Variants in UBR4 observed in about 807,000 individuals in gnomAD.
UBR4 encodes ubiquitin protein ligase E3 component n-recognin 4, also known as E3 ubiquitin-protein ligase UBR4.
Under a neutral mutation model 575.6 loss-of-function variants are expected in UBR4, and 124 were observed. The ratio of observed to expected loss-of-function variants is 0.22; its 90% CI spans 0.19 to 0.25. The LOEUF (loss-of-function observed/expected upper bound fraction) is 0.25, where lower values mean the gene tolerates loss of function less well. UBR4 is among the 10% of genes least tolerant of loss of function. The pLI, the probability that UBR4 is intolerant of heterozygous loss-of-function variation, is 1.00. For synonymous variants in UBR4, 2,455 were observed against 2,473.7 expected (o/e 0.99, Z 0.22); for missense variants, 4,818 against 6,478.8 (o/e 0.74, Z 8.80).
intron 57 of UBR4, 57 bp downstream of exon 57, chr1:19,141,290 A>C: frequency 6.2e-7 from 1 of 1,611,712 alleles, no homozygotes; most frequent in Non-Finnish European, 8.5e-7. Context: ...TAACTGCCAA[A>C]CCCTCTTTTC....
intron 49 of UBR4, chr1:19,149,927 G>T: frequency 7.0e-6 from 3 of 426,968 alleles, no homozygotes; most frequent in Non-Finnish European, 8.2e-6. Context: ...AGGGAGGGAG[G>T]AGGCTGGTGG....
Position 19,083,270 on chromosome 1 carries a change from C to T in UBR4, c.15008+1234G>A, listed in dbSNP as rs949507442. The stretch of plus-strand genomic sequence containing the variant: ...GCACTCTGATGTCAACCTGCCCCTG[C>T]GTGTTTTAACAATGAAGCCTGTGGT... On this transcript the variant is annotated intron_variant, in intron 102 of 105. Transcript: ENST00000375254. Among the ~76,000 whole-genome samples the T allele has an allele frequency of 3.9e-5, 6 of 152,094 alleles. No individual in the cohort carries two copies. In the South Asian group the frequency reaches 6.2e-4, roughly 16 times the overall value.
chr1:19,201,103 C>A (rs192276825), intron 2 of UBR4, among the ~76,000 whole-genome samples: 5 of 152,304 alleles, frequency 3.3e-5, no homozygotes, highest in East Asian at 3.9e-4. Context: ...CACGCCACTG[C>A]ACTCCAGCCT....
chr1:19,083,484 T>C (rs2076720516), intron 102 of UBR4, among the ~76,000 whole-genome samples: 1 of 152,208 alleles, frequency 6.6e-6, no homozygotes, highest in Non-Finnish European at 1.5e-5. Flanking sequence ...AGATGGGGCC[T>C]ACAAGCATGA....
chr1:19,099,624 G>A lies in UBR4; in HGVS notation c.13275C>T (p.Tyr4425=), dbSNP rs376066661. ...CATTCGTGGTACACCAGACTTTCTT[G>A]TAAACTTCAGCCACAGGAAGGTCCA... ...ISLDLPVAEV[Y]KKVWCTTNEG... The change falls in exon 90 of 106, where the codon TAC becomes TAT. Residue 4425 remains tyrosine (Y), a synonymous_variant. Transcript: ENST00000375254. The A allele has an allele frequency of 2.5e-6, 4 of 1,613,906 alleles. No individual in the cohort carries two copies. The highest frequency in any genetic ancestry group is 1.1e-5 in the South Asian group (1 of 91,062).
Position 19,076,621 on chromosome 1 carries a change from A to G in UBR4, c.15487+119T>C. On this transcript the variant is annotated intron_variant, in intron 105 of 105. Transcript: ENST00000375254. ...TTCCCAGGGCTTTCAGTGGCAGCTG[A>G]CAGGCTGGTTCATACTGCGTTTCCT... is the stretch of plus-strand genomic sequence containing the variant. 2.2e-6 allele frequency: 3 copies of G among 1,361,394 alleles called. No individual in the cohort carries two copies. The Admixed American group carries it at 5.9e-5, about 27-fold the overall frequency. The allele number at this position is 1,361,394 out of a possible 1,614,324, so 84.3% of individuals were successfully genotyped here.
intron 7 of UBR4, 49 bp downstream of exon 7, chr1:19,197,621 T>G (rs1340833899): frequency 6.2e-7 from 1 of 1,602,622 alleles, no homozygotes; most frequent in Non-Finnish European, 8.5e-7. Flanking sequence ...AACAAGACCC[T>G]GTCCCAAAAA....
At position 19,153,210 on chromosome 1, in the gene UBR4, T is replaced by C. The variant is rs1571192047; in HGVS notation, c.6832+91A>G. 2.9e-6 allele frequency: 4 copies of C among 1,387,588 alleles called. No individual in the cohort carries two copies. The highest frequency in any genetic ancestry group is 4.0e-6 in the Non-Finnish European group (4 of 992,290). 86.0% of individuals were successfully genotyped at this position (1,387,588 alleles called of 1,614,324 possible). ...TGTGCAAGTAGGACAGTCACATTTC[T>C]TCACAGATATTTTCAACAGTCTATT... is the stretch of plus-strand genomic sequence containing the variant. On this transcript the variant is annotated intron_variant, in intron 46 of 105. Coordinates refer to ENST00000375254, the MANE Select transcript of UBR4 (RefSeq NM_020765.3). This position sits in a 1 kb window ranked among gnomAD's most constrained non-coding sequence, Gnocchi z 4.1.
At chr1:19,147,130 A>G in intron 51 of UBR4, 130 bp from the exon 52 acceptor site, 1 of 931,488 alleles carries the variant, frequency 1.1e-6, no homozygotes, top group Non-Finnish European at 1.6e-6. Flanking sequence ...ATGAACACCA[A>G]TCACCTACAA....
chr1:19,078,449 G>A (rs1022991589), intron 103 of UBR4: 1 of 174,232 alleles, frequency 5.7e-6, no homozygotes, highest in Non-Finnish European at 1.2e-5. Flanking sequence ...GGAATTTGAT[G>A]GAACCTAATA....
At chr1:19,095,160 G>A in intron 93 of UBR4, 135 bp from the exon 94 acceptor site, 3 of 1,287,532 alleles carry the variant, frequency 2.3e-6, no homozygotes, top group South Asian at 1.3e-5. Context: ...GTATGTATGT[G>A]CGTGTATATG....
intron 44 of UBR4, among the ~76,000 whole-genome samples, chr1:19,154,526 C>T (rs1458889430): frequency 1.3e-5 from 2 of 152,128 alleles, no homozygotes; most frequent in African/African-American, 2.4e-5. Context: ...ATTACTGATA[C>T]GTTCTATTTG....
chr1:19,151,125 T>C, intron 48 of UBR4: 1 of 383,440 alleles, frequency 2.6e-6, no homozygotes, highest in Non-Finnish European at 4.8e-6. Flanking sequence ...AAAGTACAGA[T>C]CATGATCATT....
chr1:19,167,993 A>T lies in UBR4; in HGVS notation c.3899+34T>A, dbSNP rs34127769. On this transcript the variant is annotated intron_variant, in intron 28 of 105. Transcript: ENST00000375254. Reference sequence around the variant, plus strand: ...TCTTTAACCACAATAGAATACAGACATAGAGTCCTTGGGGCTAGGTAGTAG... The same window carrying T: ...TCTTTAACCACAATAGAATACAGACTTAGAGTCCTTGGGGCTAGGTAGTAG... The T allele has an allele frequency of 1.6e-5, 26 of 1,576,692 alleles. No individual in the cohort carries two copies. The Middle Eastern group carries it at 5.2e-4, about 31-fold the overall frequency.
intron 55 of UBR4, among the ~76,000 whole-genome samples, chr1:19,142,113 A>T (rs151104856): frequency 6.6e-6 from 1 of 152,318 alleles, no homozygotes; most frequent in African/African-American, 2.4e-5. Flanking sequence ...CTCTCAGGAG[A>T]CCTTGGATAA....
chr1:19,210,203 G>A lies in UBR4; in HGVS notation c.46C>T (p.Pro16Ser). 4 of 1,465,272 alleles carry A rather than the reference G, an allele frequency of 2.7e-6. No homozygotes were observed. Among genetic ancestry groups the A allele is most frequent in the East Asian group, 5.6e-5 (2 of 35,690 alleles). The allele number at this position is 1,465,272 out of a possible 1,614,324, so 90.8% of individuals were successfully genotyped here. A position where few individuals can be genotyped will look rare whatever the true frequency, so the allele number is the denominator to read the frequency against. ...TCCGCCCCCGTTGCCGGGGTCCCCG[G>A]CGCCGGAGCCGCTGCCGCCGCCTCT... is the stretch of plus-strand genomic sequence containing the variant. ...GEEAAAAAPA[P>S]GTPATGADTT... is the part of the protein sequence containing the mutation. Residue 16 changes from proline to serine, a missense_variant, in exon 1 of 106, where the codon CCG becomes TCG. Pro to Ser is a moderately conservative substitution (Grantham distance 74). This residue lies in a region of UBR4 where 95 missense variants were observed against 87.7 expected (regional missense o/e 1.08). Transcript: ENST00000375254.
In UBR4 at chr1:19,152,476, G is replaced by A; in HGVS notation, c.6833C>T (p.Thr2278Ile). The change falls in exon 47 of 106, where the codon ACA becomes ATA. Residue 2278 changes from threonine to isoleucine, a missense_variant and splice_region_variant. Physicochemically the swap from Thr to Ile is moderately conservative, Grantham distance 89. This residue lies in a region of UBR4 where 461 missense variants were observed against 606.9 expected (regional missense o/e 0.76). Transcript: ENST00000375254. This position sits in a 1 kb window ranked among gnomAD's most constrained non-coding sequence, Gnocchi z 4.4. ...AGTCACCTGGCTAGACGTGCGGGTTGCTGCAGAGAACGGTACCAGATCGTC... is the reference window on the plus strand; with the variant it reads ...AGTCACCTGGCTAGACGTGCGGGTTACTGCAGAGAACGGTACCAGATCGTC... ...PVRKRKTATI[T>I]TRTSSQVTFP... The A allele has an allele frequency of 6.2e-7, 1 of 1,613,834 alleles. No individual in the cohort carries two copies. Among genetic ancestry groups the A allele is most frequent in the Non-Finnish European group, 8.5e-7 (1 of 1,179,842 alleles).
intron 38 of UBR4, 126 bp downstream of exon 38, chr1:19,160,791 C>T (rs2150523928): frequency 1.1e-6 from 1 of 896,148 alleles, no homozygotes; most frequent in African/African-American, 1.7e-5. Context: ...TATTTGCATT[C>T]ACACTATGAA....
In UBR4 at chr1:19,076,906, C is replaced by T. The variant is rs184748537; in HGVS notation, c.15325-4G>A. The T allele has an allele frequency of 3.5e-4, 539 of 1,545,524 alleles. 5 individuals are homozygous for T. The Middle Eastern group carries it at 7.9e-3, about 23-fold the overall frequency. ...CTGTGTTACTGGTAGGCACCTTCTACGAGAATCAACAGGAGACAAGAGAGG... is the reference window on the plus strand; with the variant it reads ...CTGTGTTACTGGTAGGCACCTTCTATGAGAATCAACAGGAGACAAGAGAGG... On this transcript the variant is annotated splice_polypyrimidine_tract_variant and splice_region_variant and intron_variant, in intron 104 of 105. Coordinates refer to ENST00000375254, the MANE Select transcript of UBR4 (RefSeq NM_020765.3).
Sources: gnomAD v4.1 joint callset for allele counts (sites outside exome capture counted in the v4.1 genomes callset) on GRCh38, gnomAD v4.1.1 for gene constraint, gnomAD v4.1.1 regional missense constraint, Gnocchi (gnomAD v3.1) non-coding constraint, MANE v1.5 for transcripts, NCBI Gene and HGNC (gene_info 2026-07-23, HGNC 2026-07-21) for gene names.